Variants in PREX1 observed in about 807,000 individuals in gnomAD.
PREX1 encodes the protein phosphatidylinositol 3,4,5-trisphosphate-dependent Rac exchanger 1 protein.
Under a neutral mutation model 198.3 loss-of-function variants are expected in PREX1, and 41 were observed. That is an observed-to-expected ratio of 0.21 (90% CI 0.16 to 0.27). PREX1 has a LOEUF of 0.27. Among genes scored for constraint, PREX1 ranks in the 10% least tolerant of loss-of-function variants. PREX1 has a pLI of 1.00. For missense variants in PREX1, 1,620 were observed against 2,200.7 expected (o/e 0.74, Z 5.28); for synonymous variants, 843 against 887.2 (o/e 0.95, Z 0.89).
chr20:48,726,358 C>A lies in PREX1; in HGVS notation c.553G>T (p.Asp185Tyr). The A allele has an allele frequency of 6.2e-7, 1 of 1,613,548 alleles. No homozygotes were observed. The highest frequency in any genetic ancestry group is 1.6e-4 in the Middle Eastern group (1 of 6,084). ...AACAGGTAGCCTTCCAAAGGGATGTCCGTGGTCTTCCGGCCTCCCAGAAGC... is the reference window on the plus strand; with the variant it reads ...AACAGGTAGCCTTCCAAAGGGATGTACGTGGTCTTCCGGCCTCCCAGAAGC... ...CMLLGGRKTT[D>Y]IPLEGYLLSP... Residue 185 changes from aspartate to tyrosine, a missense_variant, in exon 5 of 40, where the codon GAC becomes TAC. Around this residue, in one of 7 missense-constraint regions of PREX1, gnomAD observed 488 missense variants for 802.5 expected, o/e 0.61. Coordinates refer to ENST00000371941, the MANE Select transcript of PREX1 (RefSeq NM_020820.4).
chr20:48,862,788 A>ATATATATATATATATAT, the PREX1 span, among the ~76,000 whole-genome samples: 1 of 49,838 alleles, frequency 2.0e-5, no homozygotes, highest in African/African-American at 1.2e-4. Context: ...CCTAAAAAAA[A>ATATATATATATATATAT]AAATATATAT....
chr20:48,679,087 G>A (rs960454315), intron 13 of PREX1, among the ~76,000 whole-genome samples: 2 of 152,222 alleles, frequency 1.3e-5, no homozygotes, highest in Non-Finnish European at 2.9e-5. Flanking sequence ...GAGAGGTTAA[G>A]TAACTCTGCC....
intron 1 of PREX1, among the ~76,000 whole-genome samples, chr20:48,752,770 C>T (rs1027290913): frequency 5.3e-5 from 8 of 152,170 alleles, no homozygotes; most frequent in African/African-American, 1.4e-4. Flanking sequence ...AAGTATGCTA[C>T]TTGCCCTTGA....
At chr20:48,867,810 C>T in the PREX1 span, among the ~76,000 whole-genome samples, 2 of 151,330 alleles carry the variant, frequency 1.3e-5, no homozygotes, top group East Asian at 1.9e-4. Flanking sequence ...AACAAACAAA[C>T]AAATAAATAA....
intron 10 of PREX1, 138 bp from the exon 11 acceptor site, chr20:48,681,473 C>G: frequency 1.2e-6 from 1 of 802,626 alleles, no homozygotes; most frequent in African/African-American, 1.7e-5. Context: ...GTGTAGTAGT[C>G]TATAGCCCTT....
chr20:48,836,929 A>G, the PREX1 span, among the ~76,000 whole-genome samples: 1 of 147,228 alleles, frequency 6.8e-6, no homozygotes, highest in South Asian at 2.2e-4. Flanking sequence ...AAAAAAAAGA[A>G]CCTCGCTCTG....
chr20:48,706,041 T>A (rs1424639054), intron 6 of PREX1, among the ~76,000 whole-genome samples: 1 of 152,232 alleles, frequency 6.6e-6, no homozygotes, highest in African/African-American at 2.4e-5. Flanking sequence ...TTGTAACAGG[T>A]ACTAAATAAC....
At chr20:48,661,723 G>T (rs1260234955) in intron 15 of PREX1, among the ~76,000 whole-genome samples, 2 of 151,378 alleles carry the variant, frequency 1.3e-5, no homozygotes, top group Admixed American at 1.3e-4. Context: ...CTGCTCCTTG[G>T]ATAAGGATTT....
At chr20:48,664,636 A>G (rs56313864) in intron 15 of PREX1, among the ~76,000 whole-genome samples, 26,730 of 152,224 alleles carry the variant, frequency 0.18, 2,468 homozygotes, top group Middle Eastern at 0.3. Flanking sequence ...AAGGACAGGA[A>G]ACTCAGGGAT....
chr20:48,635,164 C>T (rs2089352527), intron 32 of PREX1, among the ~76,000 whole-genome samples: 2 of 152,156 alleles, frequency 1.3e-5, no homozygotes, highest in Admixed American at 6.5e-5. Context: ...TTCGGTCATC[C>T]AAGATCCAAA....
At chr20:48,870,228 C>T in the PREX1 span, among the ~76,000 whole-genome samples, 3 of 152,234 alleles carry the variant, frequency 2.0e-5, no homozygotes, top group South Asian at 6.2e-4. Flanking sequence ...CACAATTACA[C>T]ACCTTATTGT....
At chr20:48,864,231 T>TGTTC in the PREX1 span, among the ~76,000 whole-genome samples, 1 of 152,220 alleles carries the variant, frequency 6.6e-6, no homozygotes, top group Non-Finnish European at 1.5e-5. Flanking sequence ...AAGTTCTCCT[T>TGTTC]GTTCATTCAT....
the PREX1 span, among the ~76,000 whole-genome samples, chr20:48,866,696 G>A: frequency 1.3e-5 from 2 of 152,176 alleles, no homozygotes; most frequent in African/African-American, 4.8e-5. Context: ...GAAGGCAGAG[G>A]TGGGCGGGTC....
intron 3 of PREX1, among the ~76,000 whole-genome samples, chr20:48,734,925 G>A (rs2090050420): frequency 6.6e-6 from 1 of 152,170 alleles, no homozygotes; most frequent in African/African-American, 2.4e-5. Flanking sequence ...AGCAGCCTGG[G>A]CTTGCACCAC....
At chr20:48,810,883 T>C (rs973671761) in intron 1 of PREX1, among the ~76,000 whole-genome samples, 1 of 151,454 alleles carries the variant, frequency 6.6e-6, no homozygotes, top group Admixed American at 6.6e-5. Context: ...GCCAGACTCC[T>C]CCTCAAAAAA....
At chr20:48,693,638 A>T (rs1459426046) in intron 7 of PREX1, among the ~76,000 whole-genome samples, 1 of 152,040 alleles carries the variant, frequency 6.6e-6, no homozygotes, top group Non-Finnish European at 1.5e-5. Flanking sequence ...ATGGAGTCTC[A>T]CTCTGTCGCC....
the PREX1 span, among the ~76,000 whole-genome samples, chr20:48,847,249 A>C: frequency 6.6e-6 from 1 of 151,952 alleles, no homozygotes. Flanking sequence ...ATGCAGAGGC[A>C]GAGATTTGGG....
intron 2 of PREX1, among the ~76,000 whole-genome samples, chr20:48,746,619 C>T (rs1232530760): frequency 1.3e-5 from 2 of 151,936 alleles, no homozygotes; most frequent in East Asian, 1.9e-4. Flanking sequence ...TGAGGGGGGC[C>T]CAGAGTGGGC....
At chr20:48,721,078 T>C (rs2089983066) in intron 5 of PREX1, among the ~76,000 whole-genome samples, 1 of 152,220 alleles carries the variant, frequency 6.6e-6, no homozygotes, top group South Asian at 2.1e-4. Flanking sequence ...TACTTGGACA[T>C]AAGTAACTTT....
Sources: gnomAD v4.1 joint callset for allele counts (sites outside exome capture counted in the v4.1 genomes callset) on GRCh38, gnomAD v4.1.1 for gene constraint, gnomAD v4.1.1 regional missense constraint, MANE v1.5 for transcripts, NCBI Gene and HGNC (gene_info 2026-07-23, HGNC 2026-07-21) for gene names.